ZBTB38: variants seen among roughly 807,000 people sequenced by gnomAD.
ZBTB38 encodes zinc finger and BTB domain containing 38.
A neutral mutation model predicts 76.8 loss-of-function variants in ZBTB38; 20 were observed. The ratio of observed to expected loss-of-function variants is 0.26; its 90% confidence interval spans 0.18 to 0.38. ZBTB38 has a LOEUF of 0.38. ZBTB38 is among the 10% of genes least tolerant of loss of function. The pLI is 1.00. For synonymous variants in ZBTB38, 504 were observed against 544.2 expected (o/e 0.93, Z 1.03); for missense variants, 1,082 against 1,482.3 (o/e 0.73, Z 4.43).
chr3:141,419,941 T>C (rs1191175537), intron 5 of ZBTB38, among the ~76,000 whole-genome samples: 1 of 152,078 alleles, frequency 6.6e-6, no homozygotes, highest in Admixed American at 6.5e-5. Context: ...GAGCCAAGAT[T>C]ATGCCATTGC....
chr3:141,361,354 C>T (rs943086001), intron 1 of ZBTB38, among the ~76,000 whole-genome samples: 3 of 152,152 alleles, frequency 2.0e-5, no homozygotes, highest in Non-Finnish European at 4.4e-5. Flanking sequence ...TGCAGGACAA[C>T]CAGGCTGGGA....
chr3:141,415,862 C>T (rs1424741291), intron 5 of ZBTB38, among the ~76,000 whole-genome samples: 3 of 152,200 alleles, frequency 2.0e-5, no homozygotes, highest in Non-Finnish European at 4.4e-5. Flanking sequence ...CACTGACCTT[C>T]TGGCCTTGGA....
rs754453478 is a variant in ZBTB38 at position 141,443,411 on chromosome 3, G to A, written c.1023G>A (p.Val341=). The change falls in exon 6 of 6, where the codon GTG becomes GTA. Residue 341 remains valine (V), a synonymous_variant. Transcript: ENST00000321464. The surrounding 1 kb of genome is among the most constrained non-coding windows in gnomAD (Gnocchi z 5.6). ...CAGCCGCAGAGGTTCCACCTCTGGTGTACAATTGTAGCTGCTGTTCCAAAG... is the reference window on the plus strand; with the variant it reads ...CAGCCGCAGAGGTTCCACCTCTGGTATACAATTGTAGCTGCTGTTCCAAAG... The part of the protein sequence containing the change: ...GPPAAEVPPL[V]YNCSCCSKAF... 1.2e-6 allele frequency: 2 copies of A among 1,614,230 alleles called. No homozygotes were observed. Among genetic ancestry groups the A allele is most frequent in the Non-Finnish European group, 1.7e-6 (2 of 1,180,048 alleles).
In ZBTB38 at chr3:141,444,456, G is replaced by T. The variant is rs765179607; in HGVS notation, c.2068G>T (p.Asp690Tyr). The change falls in exon 6 of 6, where the codon GAT becomes TAT. Residue 690 changes from aspartate (D) to tyrosine (Y), a missense_variant. This residue lies in a region of ZBTB38 where 471 missense variants were observed against 581.0 expected (regional missense o/e 0.81). Transcript: ENST00000321464. The surrounding 1 kb of genome is among the most constrained non-coding windows in gnomAD (Gnocchi z 5.1). ...NAVSSDLRAG[D>Y]VPVLSLSNSS... ...TGTCAGTTCTGACCTCCGGGCAGGGGATGTACCTGTTTTATCTTTGAGTAA... is the reference window on the plus strand; with the variant it reads ...TGTCAGTTCTGACCTCCGGGCAGGGTATGTACCTGTTTTATCTTTGAGTAA... 2.0e-5 allele frequency: 33 copies of T among 1,614,012 alleles called. No homozygotes were observed. The highest frequency in any genetic ancestry group is 2.0e-4 in the South Asian group (18 of 91,092).
At chr3:141,409,068 G>A (rs923903051) in intron 5 of ZBTB38, among the ~76,000 whole-genome samples, 4 of 152,092 alleles carry the variant, frequency 2.6e-5, no homozygotes, top group African/African-American at 7.2e-5. Context: ...TTTTTAAGAC[G>A]GAGTTTTGCT....
chr3:141,391,272 T>C (rs1948791062), intron 4 of ZBTB38, among the ~76,000 whole-genome samples: 1 of 152,238 alleles, frequency 6.6e-6, no homozygotes, highest in Non-Finnish European at 1.5e-5. Context: ...AGCATTTAAG[T>C]GAAGATCGTG....
At chr3:141,345,854 CATT>C (rs993155183) in intron 1 of ZBTB38, among the ~76,000 whole-genome samples, 7 of 152,090 alleles carry the variant, frequency 4.6e-5, no homozygotes, top group Non-Finnish European at 1.0e-4. Flanking sequence ...CCCACCAAAT[CATT>C]GTGACAACTG....
intron 1 of ZBTB38, among the ~76,000 whole-genome samples, chr3:141,340,663 C>T (rs369949412): frequency 3.3e-5 from 5 of 151,832 alleles, no homozygotes; most frequent in African/African-American, 1.2e-4. Flanking sequence ...TTTGGGAGGC[C>T]GAGGCAGGCG....
intron 5 of ZBTB38, among the ~76,000 whole-genome samples, chr3:141,432,694 T>C (rs1189161678): frequency 6.6e-6 from 1 of 152,252 alleles, no homozygotes; most frequent in Non-Finnish European, 1.5e-5. Context: ...GAAACTATCA[T>C]TTTAAGTTTT....
Position 141,445,905 on chromosome 3 carries a change from C to T in ZBTB38, c.3517C>T (p.His1173Tyr). The T allele has an allele frequency of 6.2e-7, 1 of 1,608,578 alleles. No individual in the cohort carries two copies. ...HENSNPLENQ[H>Y]FIGSEDNDQK... ...AAACTCAAATCCCTTGGAGAATCAA[C>T]ATTTCATTGGTTCAGAAGACAATGA... The change falls in exon 6 of 6, where the codon CAT (histidine) becomes TAT (tyrosine). Residue 1173 changes from histidine (H) to tyrosine (Y), a missense_variant. By Grantham distance (83) the His-to-Tyr change is moderately conservative (BLOSUM62 2). Transcript: ENST00000321464. This position sits in a 1 kb window ranked among gnomAD's most constrained non-coding sequence, Gnocchi z 6.5.
intron 5 of ZBTB38, among the ~76,000 whole-genome samples, chr3:141,426,813 C>T (rs1009055881): frequency 6.6e-6 from 1 of 152,182 alleles, no homozygotes; most frequent in African/African-American, 2.4e-5. Context: ...CTTTTTCTTC[C>T]TTTTGGCCAA....
At chr3:141,383,425 A>G (rs775059474) in intron 3 of ZBTB38, among the ~76,000 whole-genome samples, 2 of 152,198 alleles carry the variant, frequency 1.3e-5, no homozygotes, top group Admixed American at 1.3e-4. Context: ...CCTGACAACA[A>G]TGTACCCACA....
intron 4 of ZBTB38, among the ~76,000 whole-genome samples, chr3:141,393,492 G>C (rs954453149): frequency 2.0e-5 from 3 of 152,144 alleles, no homozygotes; most frequent in Non-Finnish European, 4.4e-5. Context: ...GGGAAGAGAG[G>C]AACCTGGAGC....
chr3:141,411,722 A>G (rs1389885475), intron 5 of ZBTB38, among the ~76,000 whole-genome samples: 3 of 152,222 alleles, frequency 2.0e-5, no homozygotes, highest in Non-Finnish European at 4.4e-5. Flanking sequence ...CCTGACCTTT[A>G]AAATTTTTCC....
intron 1 of ZBTB38, among the ~76,000 whole-genome samples, chr3:141,329,610 G>A (rs1045000095): frequency 2.6e-5 from 4 of 152,240 alleles, no homozygotes; most frequent in South Asian, 4.1e-4. Context: ...CCATGTAGCA[G>A]TGATATTAAG....
intron 1 of ZBTB38, among the ~76,000 whole-genome samples, chr3:141,336,689 G>C (rs1414760665): frequency 6.6e-6 from 1 of 152,110 alleles, no homozygotes; most frequent in East Asian, 1.9e-4. Context: ...ACAAATTTTT[G>C]TGTTGTGCGG....
chr3:141,370,116 C>T (rs1373242322), intron 2 of ZBTB38, among the ~76,000 whole-genome samples, 170 bp downstream of exon 2: 1 of 152,190 alleles, frequency 6.6e-6, no homozygotes, highest in East Asian at 1.9e-4. Flanking sequence ...TATAATAGAA[C>T]CCCAAATCTA....
At chr3:141,390,535 G>A (rs959134324) in intron 4 of ZBTB38, among the ~76,000 whole-genome samples, 1 of 152,190 alleles carries the variant, frequency 6.6e-6, no homozygotes. Context: ...CCCCGGAGAT[G>A]GACTGGGAAT....
chr3:141,339,408 C>T (rs542273105), intron 1 of ZBTB38, among the ~76,000 whole-genome samples: 1 of 152,074 alleles, frequency 6.6e-6, no homozygotes. Flanking sequence ...ATCATCCTGG[C>T]TCCTATGTGG....
Sources: allele counts gnomAD v4.1 joint callset (sites outside exome capture counted in the v4.1 genomes callset), GRCh38; gene constraint gnomAD v4.1.1; regional missense constraint gnomAD v4.1.1; non-coding constraint Gnocchi (gnomAD v3.1); transcripts MANE v1.5; gene names NCBI Gene and HGNC (gene_info 2026-07-23, HGNC 2026-07-21).